Variants in GLMN observed in about 807,000 individuals in gnomAD.
The protein encoded by GLMN is glomulin, FKBP associated protein, also known as glomulin.
Under a neutral mutation model 87.8 loss-of-function variants are expected in GLMN, and 75 were observed. The observed-to-expected ratio is 0.85, with a 90% confidence interval of 0.71 to 1.04. The LOEUF is 1.04. Among genes scored for constraint, GLMN ranks in the 50% least tolerant of loss-of-function variants. GLMN has a pLI of 0.00. For synonymous variants in GLMN, 206 were observed against 221.6 expected (o/e 0.93, Z 0.63); for missense variants, 588 against 658.8 (o/e 0.89, Z 1.18).
At chr1:92,341,238 A>G in the GLMN span, among the ~76,000 whole-genome samples, 1 of 152,112 alleles carries the variant, frequency 6.6e-6, no homozygotes, top group Non-Finnish European at 1.5e-5. Context: ...CGAACTCCTG[A>G]GCCCAAGCAA....
the GLMN span, among the ~76,000 whole-genome samples, chr1:92,310,537 A>G: frequency 1.9e-3 from 285 of 152,302 alleles, no homozygotes; most frequent in African/African-American, 6.4e-3. Flanking sequence ...TTAGCTTACA[A>G]TGAGTCATGA....
the GLMN span, chr1:92,307,296 A>G: frequency 6.7e-7 from 1 of 1,493,718 alleles, no homozygotes; most frequent in East Asian, 2.3e-5. Flanking sequence ...GTCATTGTGT[A>G]TATACATTTG....
chr1:92,308,441 C>T, the GLMN span, among the ~76,000 whole-genome samples: 775 of 152,254 alleles, frequency 5.1e-3, 1 homozygote, highest in African/African-American at 0.018. Flanking sequence ...CCAGTACTTC[C>T]CCAGTCCTCT....
chr1:92,247,153 G>A lies in GLMN; in HGVS notation c.1586-9C>T. On this transcript the variant is annotated splice_polypyrimidine_tract_variant and intron_variant, in intron 17 of 18. Transcript: ENST00000370360. ...TTTAGATTTCTGGGCCTCTGTAAGA[G>A]AAGAAAAATCATGTGTGACACTTAA... 7.1e-7 allele frequency: 1 copy of A among 1,400,988 alleles called. No individual in the cohort carries two copies. Among genetic ancestry groups the A allele is most frequent in the Non-Finnish European group, 1.0e-6 (1 of 988,226 alleles). 86.8% of individuals were successfully genotyped at this position (1,400,988 alleles called of 1,614,324 possible).
chr1:92,246,669 T>A, intron 18 of GLMN, 23 bp from the exon 19 acceptor site: 1 of 1,134,904 alleles, frequency 8.8e-7, no homozygotes, highest in African/African-American at 1.5e-5. Context: ...GAAAAAGTAA[T>A]GTTATTAATG....
At chr1:92,321,459 C>G in the GLMN span, among the ~76,000 whole-genome samples, 2 of 151,758 alleles carry the variant, frequency 1.3e-5, no homozygotes, top group East Asian at 3.8e-4. Context: ...TTGCTTTCAA[C>G]TTTTATATAT....
intron 7 of GLMN, among the ~76,000 whole-genome samples, chr1:92,280,195 A>G (rs1336560306): frequency 6.6e-6 from 1 of 152,198 alleles, no homozygotes; most frequent in Non-Finnish European, 1.5e-5. Context: ...GTGATTGGGA[A>G]ACACCTGCCA....
At chr1:92,254,520 A>G (rs1179784717) in intron 16 of GLMN, among the ~76,000 whole-genome samples, 1 of 152,228 alleles carries the variant, frequency 6.6e-6, no homozygotes, top group East Asian at 1.9e-4. Flanking sequence ...GCCAGAGAGA[A>G]AGGCTGGGTT....
upstream of GLMN, among the ~76,000 whole-genome samples, chr1:92,302,155 T>C (rs548120081): frequency 1.3e-4 from 20 of 152,184 alleles, no homozygotes; most frequent in Middle Eastern, 6.8e-3. Context: ...CTCATGCCTG[T>C]AATCCCAGCT....
chr1:92,256,272 A>G (rs1224238327), intron 16 of GLMN, among the ~76,000 whole-genome samples: 1 of 146,440 alleles, frequency 6.8e-6, no homozygotes, highest in Non-Finnish European at 1.5e-5. Context: ...AGCCTACAAT[A>G]AAAAAAAAAG....
At chr1:92,323,239 A>G in the GLMN span, among the ~76,000 whole-genome samples, 3 of 151,762 alleles carry the variant, frequency 2.0e-5, no homozygotes, top group African/African-American at 7.2e-5. Context: ...ATCAAAAAAT[A>G]TATTATTAAC....
chr1:92,346,302 T>C, the GLMN span, among the ~76,000 whole-genome samples: 1 of 152,206 alleles, frequency 6.6e-6, no homozygotes, highest in African/African-American at 2.4e-5. Context: ...TGGCTGGGAC[T>C]ATAGTCACAC....
the GLMN span, among the ~76,000 whole-genome samples, chr1:92,341,843 C>T: frequency 2.0e-5 from 3 of 152,202 alleles, no homozygotes; most frequent in Non-Finnish European, 4.4e-5. Flanking sequence ...CAGGGTTTCA[C>T]CATGTTGGCC....
intron 7 of GLMN, among the ~76,000 whole-genome samples, chr1:92,280,898 C>A (rs569876837): frequency 6.6e-6 from 1 of 152,108 alleles, no homozygotes; most frequent in African/African-American, 2.4e-5. Context: ...TGAAATAAAG[C>A]AAGAAGACAA....
chr1:92,285,858 A>T (rs1307426882), intron 7 of GLMN, among the ~76,000 whole-genome samples: 1 of 152,234 alleles, frequency 6.6e-6, no homozygotes, highest in Non-Finnish European at 1.5e-5. Flanking sequence ...CTAATACAGA[A>T]TCTGAGCACA....
At chr1:92,285,775 C>T (rs1648679241) in intron 7 of GLMN, among the ~76,000 whole-genome samples, 1 of 152,152 alleles carries the variant, frequency 6.6e-6, no homozygotes, top group Non-Finnish European at 1.5e-5. Context: ...ACTACACAGC[C>T]ACATGGACTT....
At chr1:92,254,829 G>C (rs3122321) in intron 16 of GLMN, among the ~76,000 whole-genome samples, 1 of 151,902 alleles carries the variant, frequency 6.6e-6, no homozygotes, top group Non-Finnish European at 1.5e-5. Context: ...AAAGACCATC[G>C]ACACTATGAA....
upstream of GLMN, chr1:92,299,060 G>A (rs754885535): frequency 1.6e-5 from 24 of 1,462,570 alleles, no homozygotes; most frequent in Middle Eastern, 2.2e-4. Context: ...CCGTCCGGCA[G>A]ACTACTCTCC....
At chr1:92,280,309 G>T (rs1164733737) in intron 7 of GLMN, among the ~76,000 whole-genome samples, 1 of 152,182 alleles carries the variant, frequency 6.6e-6, no homozygotes. Context: ...GCCTCCACTG[G>T]TGATACCCAT....
Sources: allele counts gnomAD v4.1 joint callset (sites outside exome capture counted in the v4.1 genomes callset), GRCh38; gene constraint gnomAD v4.1.1; transcripts MANE v1.5; gene names NCBI Gene and HGNC (gene_info 2026-07-23, HGNC 2026-07-21).